The following POLN variants were observed in gnomAD, a reference collection of about 807,000 sequenced individuals.
POLN encodes the protein DNA polymerase nu, also known as DNA polymerase N.
In POLN, 108 loss-of-function variants were observed where a neutral mutation model predicts 113.5. The observed-to-expected ratio is 0.95, with a 90% CI of 0.81 to 1.12. The LOEUF is 1.12. Among genes scored for constraint, POLN ranks in the 50% most tolerant of loss-of-function variants. The probability of loss-of-function intolerance (pLI) is 0.00; values close to 1 mark genes in which losing one functional copy is unlikely to be tolerated. For missense variants in POLN, 1,097 were observed against 1,077.1 expected (o/e 1.02, Z -0.26); for synonymous variants, 386 against 391.5 (o/e 0.99, Z 0.17).
chr4:2,168,165 C>T (rs1324737047), intron 13 of POLN, among the ~76,000 whole-genome samples: 1 of 152,148 alleles, frequency 6.6e-6, no homozygotes, highest in East Asian at 1.9e-4. Flanking sequence ...AAGTCATGCA[C>T]TGTTAGGGCT....
intron 3 of POLN, among the ~76,000 whole-genome samples, chr4:2,217,691 T>C (rs1309329426): frequency 6.6e-6 from 1 of 152,266 alleles, no homozygotes; most frequent in Non-Finnish European, 1.5e-5. Context: ...TCTAGGAGTC[T>C]GCATTGAGAT....
At chr4:2,236,200 AT>A (rs772775664) in intron 2 of POLN, 7 of 1,384,266 alleles carry the variant, frequency 5.1e-6, no homozygotes, top group Non-Finnish European at 7.0e-6. Context: ...TTTAAAAAGC[AT>A]TTTTAACTAC....
Position 2,091,362 on chromosome 4 carries a change from G to A in POLN, c.2065+4489C>T, listed in dbSNP as rs187394888. The stretch of plus-strand genomic sequence containing the variant: ...AGGCATAAAGAAAGCCCATCCACAA[G>A]AGAGCGGACGGTGTGGTGGCTCCAC... On this transcript the variant is annotated intron_variant, in intron 20 of 25. Coordinates refer to ENST00000511885, the MANE Select transcript of POLN (RefSeq NM_181808.4). Among the ~76,000 whole-genome samples, 31 of 152,268 alleles carry A rather than the reference G, an allele frequency of 2.0e-4. No homozygotes were observed. In the East Asian group the frequency reaches 4.6e-3, roughly 23 times the overall value.
intron 5 of POLN, among the ~76,000 whole-genome samples, chr4:2,207,744 G>T (rs1188241665): frequency 3.3e-5 from 5 of 152,172 alleles, no homozygotes; most frequent in African/African-American, 9.7e-5. Flanking sequence ...TTGACAAGGA[G>T]GTGGAGAATT....
In POLN at chr4:2,072,255, G is replaced by A. The variant is rs34498495; in HGVS notation, c.2562C>T (p.His854=). The A allele has an allele frequency of 4.3e-4, 680 of 1,597,960 alleles. 9 individuals carry two copies. In the East Asian group the frequency reaches 9.7e-3, roughly 23 times the overall value. ...VSLSAGRSWG[H]LVPLQEAWGP... Reference sequence around the variant, plus strand: ...CCCAGGCCTCCTGCAGTGGCACCAGGTGTCCCCATGAGCGGCCGGCACTCA... The same window carrying A: ...CCCAGGCCTCCTGCAGTGGCACCAGATGTCCCCATGAGCGGCCGGCACTCA... The change falls in exon 26 of 26, where the codon CAC becomes CAT. Residue 854 remains histidine, a synonymous_variant. Transcript: ENST00000511885.
intron 19 of POLN, among the ~76,000 whole-genome samples, chr4:2,097,370 A>G (rs1730820187): frequency 1.5e-5 from 2 of 137,490 alleles, no homozygotes; most frequent in Admixed American, 1.4e-4. Context: ...TTTTTTTTTG[A>G]GACAGAGTCT....
At chr4:2,241,839 T>C in intron 1 of POLN, 49 bp from the exon 2 acceptor site, 1 of 985,378 alleles carries the variant, frequency 1.0e-6, no homozygotes, top group Non-Finnish European at 1.2e-6. Flanking sequence ...GACACCGAGC[T>C]GCAGAAGACG....
In POLN at chr4:2,120,379, G is replaced by A. The variant is rs561900375; in HGVS notation, c.1982+7734C>T. On this transcript the variant is annotated intron_variant, in intron 19 of 25. Coordinates refer to ENST00000511885, the MANE Select transcript of POLN (RefSeq NM_181808.4). ...TTGTATGTTGAGTCTTCCATACCCC[G>A]AACATGGTATTTCTCTTGAATTCTT... 1.1e-4 allele frequency among the ~76,000 whole-genome samples: 17 copies of A among 151,500 alleles called. No homozygotes were observed. In the East Asian group the frequency reaches 2.9e-3, roughly 26 times the overall value.
At chr4:2,181,836 T>TAA (rs1733150339) in intron 7 of POLN, among the ~76,000 whole-genome samples, 1 of 151,924 alleles carries the variant, frequency 6.6e-6, no homozygotes, top group East Asian at 1.9e-4. Flanking sequence ...CTGTCTCTAC[T>TAA]AAAAATACAA....
chr4:2,121,980 C>G (rs1166117312), intron 19 of POLN, among the ~76,000 whole-genome samples: 3 of 151,994 alleles, frequency 2.0e-5, no homozygotes, highest in African/African-American at 7.3e-5. Flanking sequence ...TATACTTTTC[C>G]CACTTTACCC....
At chr4:2,097,764 A>C (rs1730830221) in intron 19 of POLN, among the ~76,000 whole-genome samples, 1 of 152,144 alleles carries the variant, frequency 6.6e-6, no homozygotes, top group Non-Finnish European at 1.5e-5. Context: ...TCAGCCTCTG[A>C]AAGTTGAAAA....
intron 3 of POLN, among the ~76,000 whole-genome samples, chr4:2,218,157 C>A (rs569695800): frequency 5.3e-5 from 8 of 151,622 alleles, no homozygotes; most frequent in Non-Finnish European, 7.4e-5. Flanking sequence ...GGTGGCCAGG[C>A]GTGGTGGCTC....
intron 19 of POLN, among the ~76,000 whole-genome samples, chr4:2,110,212 C>A (rs1015619615): frequency 6.6e-6 from 1 of 152,080 alleles, no homozygotes; most frequent in Non-Finnish European, 1.5e-5. Context: ...ACACAACATA[C>A]CAGAATCTCT....
chr4:2,081,071 G>A, intron 22 of POLN, 35 bp from the exon 23 acceptor site: 1 of 1,612,962 alleles, frequency 6.2e-7, no homozygotes, highest in Non-Finnish European at 8.5e-7. Context: ...GAGGTCCCAT[G>A]GCACACGGTT....
chr4:2,083,404 C>T (rs934492638), intron 21 of POLN, among the ~76,000 whole-genome samples: 1 of 152,208 alleles, frequency 6.6e-6, no homozygotes. Flanking sequence ...CTCTCAGAAA[C>T]GAGCAATACG....
intron 16 of POLN, among the ~76,000 whole-genome samples, chr4:2,146,717 G>T (rs778810333): frequency 6.6e-6 from 1 of 152,086 alleles, no homozygotes; most frequent in Admixed American, 6.6e-5. Context: ...AAGAACTAAC[G>T]GGCAGCAGCC....
At chr4:2,170,177 C>G (rs1249438322) in intron 13 of POLN, among the ~76,000 whole-genome samples, 2 of 152,206 alleles carry the variant, frequency 1.3e-5, no homozygotes, top group Non-Finnish European at 2.9e-5. Context: ...TACTGACTTC[C>G]ACTCTGTGTC....
At chr4:2,207,879 A>G (rs893033500) in intron 5 of POLN, 108 bp downstream of exon 5, 6 of 1,290,548 alleles carry the variant, frequency 4.6e-6, no homozygotes, top group South Asian at 1.6e-5. Flanking sequence ...GAGGGGAAGG[A>G]AAGCCTTAAA....
intron 20 of POLN, chr4:2,090,079 G>T: frequency 1.1e-6 from 1 of 925,994 alleles, no homozygotes; most frequent in Non-Finnish European, 1.7e-6. Flanking sequence ...TACTGAGCTA[G>T]AAAAATCAAA....
Sources: allele counts gnomAD v4.1 joint callset (sites outside exome capture counted in the v4.1 genomes callset), GRCh38; gene constraint gnomAD v4.1.1; transcripts MANE v1.5; gene names NCBI Gene and HGNC (gene_info 2026-07-23, HGNC 2026-07-21).